Variants in ZNF569 observed in about 807,000 individuals in gnomAD.
ZNF569 encodes the protein DNA-binding protein.
A neutral mutation model predicts 56.3 loss-of-function variants in ZNF569; 38 were observed. The ratio of observed to expected loss-of-function variants is 0.68; its 90% CI spans 0.52 to 0.88. The LOEUF is 0.88. Ranked by LOEUF, ZNF569 falls within the 40% of genes least tolerant of loss-of-function variation. ZNF569 has a pLI of 0.00. For missense variants in ZNF569, 666 were observed against 809.2 expected (o/e 0.82, Z 2.15); for synonymous variants, 241 against 262.9 (o/e 0.92, Z 0.81).
At chr19:37,434,615 T>C (rs952038736) in intron 3 of ZNF569, among the ~76,000 whole-genome samples, 4 of 152,184 alleles carry the variant, frequency 2.6e-5, no homozygotes, top group African/African-American at 9.7e-5. Context: ...AGCTAAGCCA[T>C]CATATCCCGT....
chr19:37,427,322 A>G (rs572859341), intron 3 of ZNF569, among the ~76,000 whole-genome samples: 1 of 152,280 alleles, frequency 6.6e-6, no homozygotes, highest in African/African-American at 2.4e-5. Context: ...GTCTCAAAAA[A>G]AAAAAGCTAT....
At chr19:37,467,677 A>G (rs187046757), upstream of ZNF569, 17 of 610,302 alleles carry the variant, frequency 2.8e-5, no homozygotes, top group East Asian at 4.4e-4. Flanking sequence ...CTGGAGCCTT[A>G]AGGTCCTGAC....
intron 2 of ZNF569, among the ~76,000 whole-genome samples, chr19:37,455,391 C>A (rs1332174956): frequency 1.3e-5 from 2 of 152,172 alleles, no homozygotes; most frequent in African/African-American, 4.8e-5. Context: ...CTTTCCACTG[C>A]AAAGAACTTA....
At chr19:37,452,548 G>T (rs977555123) in intron 2 of ZNF569, among the ~76,000 whole-genome samples, 1 of 151,948 alleles carries the variant, frequency 6.6e-6, no homozygotes, top group African/African-American at 2.4e-5. Context: ...GGATAGTTTT[G>T]CCAAGTATAG....
At chr19:37,426,518 C>A in intron 3 of ZNF569, 140 bp from the exon 4 acceptor site, 1 of 909,754 alleles carries the variant, frequency 1.1e-6, no homozygotes, top group Non-Finnish European at 1.5e-6. Flanking sequence ...CATTTATGTT[C>A]ATTCACTGAT....
Position 37,413,793 on chromosome 19 carries a change from C to A in ZNF569, c.865G>T (p.Glu289Ter). 6.2e-7 allele frequency: 1 copy of A among 1,613,524 alleles called. No homozygotes were observed. The highest frequency in any genetic ancestry group is 8.5e-7 in the Non-Finnish European group (1 of 1,179,882). The change falls in exon 6 of 6, where the codon GAA (glutamate) becomes TAA (stop). Residue 289 changes from glutamate (E) to a stop codon, truncating the protein, a stop_gained. Coordinates refer to ENST00000316950, the MANE Select transcript of ZNF569 (RefSeq NM_152484.3). LOFTEE classifies it high-confidence loss of function. The stretch of plus-strand genomic sequence containing the variant: ...GGTTTCTCTCCAGTATGAATTTTTT[C>A]ATGATCAATAAGATTTGATTTCTGG... Reference protein sequence around the residue: ...FSQKSNLIDHEKIHTGEKPYE... With the variant: ...FSQKSNLIDH
At chr19:37,424,263 A>T (rs1395499748) in intron 5 of ZNF569, among the ~76,000 whole-genome samples, 1 of 152,204 alleles carries the variant, frequency 6.6e-6, no homozygotes, top group Non-Finnish European at 1.5e-5. Context: ...GTTTGATTTA[A>T]CAACTGCAAA....
Position 37,413,424 on chromosome 19 carries a change from A to T in ZNF569, c.1234T>A (p.Cys412Ser). The stretch of plus-strand genomic sequence containing the variant: ...CTGAAGGCTTTTCTGCATTCCTTAC[A>T]TTCATAGGGTTTCTCACCAGTGTGA... ...RSHTGEKPYECKECRKAFSHK... is the reference protein window; with the variant it reads ...RSHTGEKPYESKECRKAFSHK... Residue 412 changes from cysteine to serine, a missense_variant, in exon 6 of 6, where the codon TGT (cysteine) becomes AGT (serine). Physicochemically the swap from Cys to Ser is moderately radical, Grantham distance 112. Coordinates refer to ENST00000316950, the MANE Select transcript of ZNF569 (RefSeq NM_152484.3). 1.2e-6 allele frequency: 2 copies of T among 1,613,688 alleles called. No individual in the cohort carries two copies. Among genetic ancestry groups the T allele is most frequent in the Non-Finnish European group, 1.7e-6 (2 of 1,179,888 alleles).
chr19:37,460,644 A>T (rs1490383305), intron 2 of ZNF569, among the ~76,000 whole-genome samples: 1 of 152,058 alleles, frequency 6.6e-6, no homozygotes, highest in Non-Finnish European at 1.5e-5. Flanking sequence ...AGTCCAAGCT[A>T]TTTGCAGGGG....
chr19:37,427,536 A>G (rs1358241675), intron 3 of ZNF569, among the ~76,000 whole-genome samples: 1 of 152,212 alleles, frequency 6.6e-6, no homozygotes, highest in African/African-American at 2.4e-5. Flanking sequence ...AAACTAGGTG[A>G]GAAAAAAGAA....
intron 2 of ZNF569, among the ~76,000 whole-genome samples, chr19:37,457,701 G>A (rs1004124447): frequency 7.1e-6 from 1 of 141,634 alleles, no homozygotes; most frequent in Non-Finnish European, 1.5e-5. Flanking sequence ...GTTGGGGGAG[G>A]GGGGAGGGAT....
chr19:37,462,117 A>G (rs1235826231), intron 2 of ZNF569, among the ~76,000 whole-genome samples: 1 of 152,070 alleles, frequency 6.6e-6, no homozygotes, highest in Admixed American at 6.5e-5. Flanking sequence ...GTACTTCACT[A>G]TAAAGTTAAA....
intron 3 of ZNF569, among the ~76,000 whole-genome samples, chr19:37,444,009 C>T (rs1191504290): frequency 6.6e-6 from 1 of 152,066 alleles, no homozygotes; most frequent in African/African-American, 2.4e-5. Context: ...CAGAGCAAGA[C>T]TCCATCTCAA....
upstream of ZNF569, chr19:37,468,056 C>T (rs1160288374): frequency 5.0e-6 from 4 of 799,544 alleles, no homozygotes; most frequent in Admixed American, 2.8e-5. Flanking sequence ...TACTTAACTT[C>T]TCTATGCCTT....
chr19:37,438,597 C>G (rs1302071081), intron 3 of ZNF569, among the ~76,000 whole-genome samples: 1 of 152,072 alleles, frequency 6.6e-6, no homozygotes, highest in Non-Finnish European at 1.5e-5. Context: ...ACACAAAAAT[C>G]AAATCAAAAT....
At chr19:37,438,966 A>G (rs750012341) in intron 3 of ZNF569, among the ~76,000 whole-genome samples, 1 of 152,234 alleles carries the variant, frequency 6.6e-6, no homozygotes, top group Non-Finnish European at 1.5e-5. Context: ...CTCAAAGGAC[A>G]TACAAATGGC....
intron 3 of ZNF569, among the ~76,000 whole-genome samples, chr19:37,439,157 G>A (rs1362351923): frequency 6.6e-6 from 1 of 152,096 alleles, no homozygotes; most frequent in South Asian, 2.1e-4. Context: ...TGAAACCTCC[G>A]CCTCCCGGGT....
At chr19:37,435,518 C>CAA in intron 3 of ZNF569, among the ~76,000 whole-genome samples, 1 of 152,088 alleles carries the variant, frequency 6.6e-6, no homozygotes, top group Non-Finnish European at 1.5e-5. Context: ...GAATGTAAAG[C>CAA]TCTCCAATCA....
At chr19:37,434,599 A>G (rs1317299332) in intron 3 of ZNF569, among the ~76,000 whole-genome samples, 3 of 152,180 alleles carry the variant, frequency 2.0e-5, no homozygotes, top group Non-Finnish European at 2.9e-5. Context: ...CAAGCCTCTG[A>G]GCCCAAGCTA....
Sources: allele counts gnomAD v4.1 joint callset (sites outside exome capture counted in the v4.1 genomes callset), GRCh38; gene constraint gnomAD v4.1.1; transcripts MANE v1.5; gene names NCBI Gene and HGNC (gene_info 2026-07-23, HGNC 2026-07-21).